Variants in MFAP1 observed in about 807,000 individuals in gnomAD.
MFAP1 encodes microfibril associated protein 1, also known as microfibrillar-associated protein 1.
In MFAP1, 18 loss-of-function variants were observed where a neutral mutation model predicts 62.2. The observed-to-expected ratio is 0.29, with a 90% CI of 0.20 to 0.43. MFAP1 has a LOEUF of 0.43. Among genes scored for constraint, MFAP1 ranks in the 20% least tolerant of loss-of-function variants. The probability of loss-of-function intolerance (pLI) is 1.00; values close to 1 mark genes in which losing one functional copy is unlikely to be tolerated. For missense variants in MFAP1, 355 were observed against 559.7 expected, an observed-to-expected ratio of 0.63 and a Z score of 3.69; for synonymous variants, 175 against 180.4, an observed-to-expected ratio of 0.97 and a Z score of 0.24.
intron 2 of MFAP1, among the ~76,000 whole-genome samples, chr15:43,816,238 C>A (rs1000232454): frequency 1.5e-5 from 2 of 137,746 alleles, no homozygotes; most frequent in African/African-American, 5.1e-5. Flanking sequence ...ATTTTTTTTT[C>A]TTTTTTCTTT....
chr15:43,820,722 C>T (rs568987090), intron 1 of MFAP1, among the ~76,000 whole-genome samples: 3 of 152,294 alleles, frequency 2.0e-5, no homozygotes, highest in South Asian at 4.1e-4. Flanking sequence ...TCTCCTGCCT[C>T]AGCCTCCCAA....
rs1172153173 is a variant in MFAP1 at position 43,815,123 on chromosome 15, T to C, written c.300-49A>G. On this transcript the variant is annotated intron_variant, in intron 2 of 8. Transcript: ENST00000267812. ...TAACACCAATGTCATAAAAATGAAG[T>C]AGCATCAACTGCATTTCCATAGCCA... The C allele has an allele frequency of 3.7e-6, 6 of 1,609,200 alleles. 1 individual carries two copies. The East Asian group carries it at 8.9e-5, about 24-fold the overall frequency.
At chr15:43,822,024 A>G (rs1251876628) in intron 1 of MFAP1, among the ~76,000 whole-genome samples, 1 of 152,108 alleles carries the variant, frequency 6.6e-6, no homozygotes, top group African/African-American at 2.4e-5. Context: ...TATAAAAACA[A>G]AGCAAACAGA....
At chr15:43,812,119 G>A (rs916389105) in intron 6 of MFAP1, among the ~76,000 whole-genome samples, 2 of 152,042 alleles carry the variant, frequency 1.3e-5, no homozygotes, top group African/African-American at 2.4e-5. Context: ...GAACCTGGCA[G>A]GCGGAGGCTG....
intron 7 of MFAP1, among the ~76,000 whole-genome samples, chr15:43,808,330 T>C (rs988916599): frequency 1.3e-5 from 2 of 152,180 alleles, no homozygotes; most frequent in African/African-American, 4.8e-5. Flanking sequence ...CTCAGCCCCT[T>C]GATAGGTGAC....
rs1305083381 is a variant in MFAP1 at position 43,814,989 on chromosome 15, G to A, written c.385C>T (p.Arg129Ter). 1.1e-5 allele frequency: 17 copies of A among 1,613,808 alleles called. No individual in the cohort carries two copies. The highest frequency in any genetic ancestry group is 1.7e-4 in the Middle Eastern group (1 of 6,060). The change falls in exon 3 of 9, where the codon CGA becomes TGA. Residue 129 changes from arginine (R) to a stop codon, truncating the protein, a stop_gained. Coordinates refer to ENST00000267812, the MANE Select transcript of MFAP1 (RefSeq NM_005926.3). LOFTEE classifies it high-confidence loss of function. ...EVEGDAWRMEREDSSEEEEEE... is the reference protein window; with the variant it reads ...EVEGDAWRME Reference sequence around the variant, plus strand: ...TCCTCTTCTTCACTGCTGTCTTCTCGTTCCATGCGCCAAGCATCTCCTTCT... The same window carrying A: ...TCCTCTTCTTCACTGCTGTCTTCTCATTCCATGCGCCAAGCATCTCCTTCT...
chr15:43,822,821 G>A (rs1456568012), intron 1 of MFAP1, among the ~76,000 whole-genome samples: 4 of 151,818 alleles, frequency 2.6e-5, no homozygotes, highest in East Asian at 1.9e-4. Context: ...ACTACATCCC[G>A]CTAATTTTTA....
intron 1 of MFAP1, among the ~76,000 whole-genome samples, chr15:43,819,162 C>T (rs916543539): frequency 6.6e-6 from 1 of 152,072 alleles, no homozygotes; most frequent in African/African-American, 2.4e-5. Context: ...TACTGCACTC[C>T]AGCCTGGGCA....
At chr15:43,821,614 C>A (rs1352583749) in intron 1 of MFAP1, among the ~76,000 whole-genome samples, 8 of 152,064 alleles carry the variant, frequency 5.3e-5, no homozygotes. Flanking sequence ...TGAGAAGGGA[C>A]AATTGGCCAA....
rs899626592 is a variant in MFAP1 at position 43,813,983 on chromosome 15, G to A, written c.617+518C>T. ...AAATATATGGCCTTGGCTTGGTGCC[G>A]TGGCTCATGCCTGTAATCCTAGCAC... On this transcript the variant is annotated intron_variant, in intron 4 of 8. Transcript: ENST00000267812. Among the ~76,000 whole-genome samples the A allele has an allele frequency of 5.3e-5, 8 of 152,224 alleles. No homozygotes were observed. In the South Asian group the frequency reaches 8.3e-4, roughly 16 times the overall value.
intron 7 of MFAP1, 152 bp downstream of exon 7, chr15:43,809,603 A>G (rs2087386707): frequency 1.1e-6 from 1 of 875,122 alleles, no homozygotes; most frequent in Non-Finnish European, 1.7e-6. Context: ...CTTTTCTCTG[A>G]GTTTATATTG....
intron 6 of MFAP1, among the ~76,000 whole-genome samples, chr15:43,812,570 T>C (rs2087408624): frequency 6.6e-6 from 1 of 152,188 alleles, no homozygotes; most frequent in Non-Finnish European, 1.5e-5. Flanking sequence ...CCAGTCAACC[T>C]TCCAGCTGGA....
intron 1 of MFAP1, among the ~76,000 whole-genome samples, chr15:43,818,533 A>C (rs1236664915): frequency 2.6e-5 from 4 of 151,754 alleles, no homozygotes; most frequent in Non-Finnish European, 5.9e-5. Context: ...AAAAAAAAAA[A>C]ACCCCTAGAC....
chr15:43,810,929 G>A (rs760981176), intron 6 of MFAP1, among the ~76,000 whole-genome samples: 3 of 151,154 alleles, frequency 2.0e-5, no homozygotes, highest in Non-Finnish European at 4.4e-5. Flanking sequence ...ACTAATTTTT[G>A]TATTTTTAGT....
At chr15:43,806,356 T>C (rs2087365531) in intron 7 of MFAP1, among the ~76,000 whole-genome samples, 1 of 152,184 alleles carries the variant, frequency 6.6e-6, no homozygotes, top group African/African-American at 2.4e-5. Flanking sequence ...CTCTTTAACT[T>C]TTCTGTTAGT....
At chr15:43,806,807 G>A (rs916083872) in intron 7 of MFAP1, among the ~76,000 whole-genome samples, 1 of 152,182 alleles carries the variant, frequency 6.6e-6, no homozygotes, top group Non-Finnish European at 1.5e-5. Flanking sequence ...AGGAGGTGGA[G>A]GTTGCAGTGA....
rs955613143 is a variant in MFAP1 at position 43,804,744 on chromosome 15, C to G, written c.*350G>C. 1.0e-5 allele frequency: 2 copies of G among 192,102 alleles called. No homozygotes were observed. The highest frequency in any genetic ancestry group is 2.1e-5 in the Non-Finnish European group (2 of 95,250). 11.9% of individuals were successfully genotyped at this position (192,102 alleles called of 1,614,324 possible). Reference sequence around the variant, plus strand: ...CCTAAGGTAGAAGTAATGCATTGTTCACTTACATGTCCACTTTTCTAACCC... The same window carrying G: ...CCTAAGGTAGAAGTAATGCATTGTTGACTTACATGTCCACTTTTCTAACCC... On this transcript the variant is annotated 3_prime_UTR_variant, in exon 9 of 9. Transcript: ENST00000267812.
intron 6 of MFAP1, among the ~76,000 whole-genome samples, chr15:43,811,340 CA>C (rs1369662192): frequency 1.4e-5 from 2 of 147,592 alleles, no homozygotes; most frequent in East Asian, 2.1e-4. Context: ...GCTTGACTCC[CA>C]GGGGGTGGAG....
At chr15:43,823,780 G>A (rs142057254) in intron 1 of MFAP1, among the ~76,000 whole-genome samples, 1 of 152,250 alleles carries the variant, frequency 6.6e-6, no homozygotes, top group East Asian at 1.9e-4. Flanking sequence ...CTGTTAAGAT[G>A]AATGAATTAG....
Sources: gnomAD v4.1 joint callset for allele counts (sites outside exome capture counted in the v4.1 genomes callset) on GRCh38, gnomAD v4.1.1 for gene constraint, MANE v1.5 for transcripts, NCBI Gene and HGNC (gene_info 2026-07-23, HGNC 2026-07-21) for gene names.